PLCL1: variants seen among roughly 807,000 people sequenced by gnomAD.
PLCL1 encodes the protein inactive phospholipase C-like protein 1.
Under a neutral mutation model 84.4 loss-of-function variants are expected in PLCL1, and 41 were observed. The observed-to-expected ratio is 0.49, with a 90% CI of 0.38 to 0.63. The LOEUF (loss-of-function observed/expected upper bound fraction) is 0.63, where lower values mean the gene tolerates loss of function less well. PLCL1 is among the 30% of genes least tolerant of loss of function. The pLI, the probability that PLCL1 is intolerant of heterozygous loss-of-function variation, is 0.00. For missense variants in PLCL1, 1,206 were observed against 1,367.8 expected (o/e 0.88, Z 1.87); for synonymous variants, 490 against 488.3 (o/e 1.00, Z -0.05).
At chr2:198,070,919 T>C (rs1692448587) in intron 1 of PLCL1, 1 of 162,018 alleles carries the variant, frequency 6.2e-6, no homozygotes, top group African/African-American at 2.4e-5. Flanking sequence ...TATATGTTAA[T>C]TTTAAATAAT....
intron 1 of PLCL1, among the ~76,000 whole-genome samples, chr2:197,975,058 G>A (rs993880779): frequency 6.7e-6 from 1 of 149,162 alleles, no homozygotes; most frequent in Non-Finnish European, 1.5e-5. Flanking sequence ...GGAGAATGGC[G>A]TGAACCCGGG....
chr2:198,125,019 A>C (rs371589968), intron 5 of PLCL1, among the ~76,000 whole-genome samples: 1 of 152,158 alleles, frequency 6.6e-6, no homozygotes, highest in Non-Finnish European at 1.5e-5. Flanking sequence ...AGTGACTACC[A>C]TAATGGACAA....
At chr2:198,026,557 C>T (rs768972763) in intron 1 of PLCL1, among the ~76,000 whole-genome samples, 1 of 152,108 alleles carries the variant, frequency 6.6e-6, no homozygotes, top group Non-Finnish European at 1.5e-5. Context: ...TTGTTAACAT[C>T]ATCATATTTA....
chr2:198,064,070 A>G (rs1461346055), intron 1 of PLCL1, among the ~76,000 whole-genome samples: 1 of 152,196 alleles, frequency 6.6e-6, no homozygotes, highest in Non-Finnish European at 1.5e-5. Flanking sequence ...GTATTTATTG[A>G]CTGCTTGAGA....
chr2:197,933,513 G>T (rs559107561), intron 1 of PLCL1, among the ~76,000 whole-genome samples: 1 of 152,170 alleles, frequency 6.6e-6, no homozygotes, highest in Non-Finnish European at 1.5e-5. Context: ...CTCAGAGCTG[G>T]TAGAAAGGAA....
intron 1 of PLCL1, among the ~76,000 whole-genome samples, chr2:198,043,417 T>C (rs1483242134): frequency 2.0e-5 from 3 of 152,068 alleles, no homozygotes; most frequent in Non-Finnish European, 4.4e-5. Context: ...GTAGGTGAAG[T>C]CCTGTGTTAG....
chr2:197,879,640 C>T (rs2105713481), intron 1 of PLCL1, among the ~76,000 whole-genome samples: 1 of 152,234 alleles, frequency 6.6e-6, no homozygotes, highest in East Asian at 1.9e-4. Flanking sequence ...ATTTGTGAGG[C>T]TGTAAATTTC....
At chr2:197,939,333 G>A (rs974437292) in intron 1 of PLCL1, among the ~76,000 whole-genome samples, 2 of 152,146 alleles carry the variant, frequency 1.3e-5, no homozygotes, top group African/African-American at 4.8e-5. Context: ...CCCAGATCCA[G>A]GGTTGCCTCC....
intron 1 of PLCL1, among the ~76,000 whole-genome samples, chr2:197,973,295 A>G (rs970808497): frequency 6.6e-6 from 1 of 152,190 alleles, no homozygotes; most frequent in Non-Finnish European, 1.5e-5. Context: ...GTGGAAACCA[A>G]TTCAGCAGAT....
intron 1 of PLCL1, among the ~76,000 whole-genome samples, chr2:197,947,847 A>G (rs770435652): frequency 6.6e-6 from 1 of 152,194 alleles, no homozygotes. Context: ...AGATGATTCT[A>G]CTAAGCAGCA....
In PLCL1 at chr2:198,083,942, A is replaced by C; in HGVS notation, c.425A>C (p.Gln142Pro). 1.9e-6 allele frequency: 3 copies of C among 1,614,126 alleles called. No individual in the cohort carries two copies. The highest frequency in any genetic ancestry group is 2.5e-6 in the Non-Finnish European group (3 of 1,179,988). ...NRFFTLDTDL[Q>P]ALRWEPSKKD... is the part of the protein sequence containing the mutation. ...TTTTTCACTCTGGACACAGACCTTCAAGCTCTTCGCTGGGAACCTTCAAAG... is the reference window on the plus strand; with the variant it reads ...TTTTTCACTCTGGACACAGACCTTCCAGCTCTTCGCTGGGAACCTTCAAAG... The change falls in exon 2 of 6, where the codon CAA becomes CCA. Residue 142 changes from glutamine (Q) to proline (P), a missense_variant. Gln to Pro is a moderately conservative substitution (Grantham distance 76). Transcript: ENST00000428675.
chr2:198,126,427 C>T (rs1476166952), intron 5 of PLCL1, among the ~76,000 whole-genome samples: 1 of 152,100 alleles, frequency 6.6e-6, no homozygotes, highest in Admixed American at 6.6e-5. Context: ...TTAGGTTTTG[C>T]AGAAAATGAG....
chr2:197,891,338 G>T (rs1412998095), intron 1 of PLCL1, among the ~76,000 whole-genome samples: 1 of 152,120 alleles, frequency 6.6e-6, no homozygotes, highest in African/African-American at 2.4e-5. Context: ...ATAAGCAGTT[G>T]TTTCCCAAGA....
At chr2:197,876,561 A>T (rs1468355082) in intron 1 of PLCL1, among the ~76,000 whole-genome samples, 2 of 152,084 alleles carry the variant, frequency 1.3e-5, no homozygotes, top group Non-Finnish European at 2.9e-5. Context: ...CTCCTTGAAG[A>T]TAGGACATCT....
rs1692449342 is a variant in PLCL1 at position 198,070,974 on chromosome 2, T to C, written c.241-12784T>C. The C allele has an allele frequency of 5.9e-6, 4 of 675,228 alleles. No homozygotes were observed. In the South Asian group the frequency reaches 2.6e-4, roughly 45 times the overall value. The allele number at this position is 675,228 out of a possible 1,614,324, so 41.8% of individuals were successfully genotyped here. Reference sequence around the variant, plus strand: ...AAAATTCCATAATTTTGCTCCCTTTTTCTAGAGATAACCACTATCACCAAT... The same window carrying C: ...AAAATTCCATAATTTTGCTCCCTTTCTCTAGAGATAACCACTATCACCAAT... On this transcript the variant is annotated intron_variant, in intron 1 of 5. Transcript: ENST00000428675.
At chr2:197,881,598 C>G (rs1414069311) in intron 1 of PLCL1, among the ~76,000 whole-genome samples, 1 of 151,964 alleles carries the variant, frequency 6.6e-6, no homozygotes, top group African/African-American at 2.4e-5. Flanking sequence ...CTCACTTAAC[C>G]TCTAGGCCTC....
intron 1 of PLCL1, among the ~76,000 whole-genome samples, chr2:197,872,552 T>C (rs943848534): frequency 4.6e-5 from 7 of 152,170 alleles, no homozygotes; most frequent in Non-Finnish European, 1.0e-4. Context: ...TACCATTTAC[T>C]AGATTGTGAT....
intron 1 of PLCL1, among the ~76,000 whole-genome samples, chr2:197,866,344 C>T (rs541012965): frequency 1.7e-4 from 26 of 151,500 alleles, no homozygotes; most frequent in Middle Eastern, 3.4e-3. Flanking sequence ...AAAAAATCTA[C>T]AGTTTTATTT....
At chr2:198,092,604 A>G (rs1693073902) in intron 3 of PLCL1, among the ~76,000 whole-genome samples, 1 of 152,168 alleles carries the variant, frequency 6.6e-6, no homozygotes, top group Admixed American at 6.5e-5. Context: ...ACTACTGTGC[A>G]ATGGAACACC....
Sources: gnomAD v4.1 joint callset for allele counts (sites outside exome capture counted in the v4.1 genomes callset) on GRCh38, gnomAD v4.1.1 for gene constraint, MANE v1.5 for transcripts, NCBI Gene and HGNC (gene_info 2026-07-23, HGNC 2026-07-21) for gene names.